MDM4: variants seen among roughly 807,000 people sequenced by gnomAD.
MDM4 encodes protein Mdm4.
Under a neutral mutation model 60.2 loss-of-function variants are expected in MDM4, and 2 were observed. The ratio of observed to expected loss-of-function variants is 0.03; its 90% CI spans 0.01 to 0.10. MDM4 has a LOEUF of 0.10. Ranked by LOEUF, MDM4 falls within the 10% of genes least tolerant of loss-of-function variation. MDM4 has a pLI of 1.00. For missense variants in MDM4, 447 were observed against 577.5 expected (o/e 0.77, Z 2.32); for synonymous variants, 202 against 198.1 (o/e 1.02, Z -0.17).
intron 1 of MDM4, among the ~76,000 whole-genome samples, chr1:204,521,450 T>A (rs1053009373): frequency 7.9e-5 from 12 of 152,120 alleles, no homozygotes; most frequent in Non-Finnish European, 1.8e-4. Context: ...AAGTGCTTTG[T>A]TGTAGTCAGG....
intron 1 of MDM4, among the ~76,000 whole-genome samples, chr1:204,520,364 C>A: frequency 8.6e-6 from 1 of 116,686 alleles, no homozygotes; most frequent in Admixed American, 9.9e-5. Context: ...TTACATGCAA[C>A]ATCCCTGCTT....
At chr1:204,549,086 AT>A in intron 10 of MDM4, 26 bp from the exon 11 acceptor site, 1 of 1,382,448 alleles carries the variant, frequency 7.2e-7, no homozygotes, top group Non-Finnish European at 1.0e-6. Flanking sequence ...CCCCCTGAGT[AT>A]TAATTGGCTT....
chr1:204,536,831 G>T, intron 5 of MDM4: 1 of 217,752 alleles, frequency 4.6e-6, no homozygotes, highest in East Asian at 1.6e-4. Flanking sequence ...TATAGTAACT[G>T]GGAAAAATAA....
intron 7 of MDM4, among the ~76,000 whole-genome samples, chr1:204,538,538 T>C (rs1661650407): frequency 6.6e-6 from 1 of 152,156 alleles, no homozygotes; most frequent in South Asian, 2.1e-4. Flanking sequence ...TGAGCTAGCA[T>C]GCTACTAGAA....
chr1:204,533,611 G>C (rs1187807112), intron 5 of MDM4, among the ~76,000 whole-genome samples: 1 of 152,126 alleles, frequency 6.6e-6, no homozygotes, highest in Non-Finnish European at 1.5e-5. Context: ...ACCCACTTTG[G>C]CCTCCCAGAG....
At chr1:204,529,612 TC>T in intron 3 of MDM4, 1 of 1,172,962 alleles carries the variant, frequency 8.5e-7, no homozygotes, top group Non-Finnish European at 1.2e-6. Flanking sequence ...CTGGGGGGGG[TC>T]CAAGGTAGTA....
rs540392913 is a variant in MDM4, at chr1:204,555,662, C to T, written c.*5980C>T. Reference sequence around the variant, plus strand: ...GGTGGATTGCCTGAGCTCAGGAGTTCGAGACCAGTCTGACCAGTATGGTGA... The same window carrying T: ...GGTGGATTGCCTGAGCTCAGGAGTTTGAGACCAGTCTGACCAGTATGGTGA... On this transcript the variant is annotated 3_prime_UTR_variant, in exon 11 of 11. Transcript: ENST00000367182. The T allele has an allele frequency of 1.2e-4, 20 of 165,702 alleles. No homozygotes were observed. Among genetic ancestry groups the T allele is most frequent in the African/African-American group, 3.3e-4 (14 of 41,882 alleles). The allele number at this position is 165,702 out of a possible 1,614,324, so 10.3% of individuals were successfully genotyped here.
intron 9 of MDM4, 96 bp from the exon 10 acceptor site, chr1:204,546,701 A>G (rs1226464581): frequency 1.3e-6 from 1 of 745,766 alleles, no homozygotes; most frequent in East Asian, 2.7e-5. Context: ...GAAGAATGTG[A>G]GTTTTAAATT....
rs766791006 is a variant in MDM4, at chr1:204,525,478, AT to A, written c.-35-3del. 11 of 1,572,654 alleles carry A rather than the reference AT, an allele frequency of 7.0e-6. No individual in the cohort carries two copies. In the South Asian group the frequency reaches 1.3e-4, roughly 19 times the overall value. ...ATAGATGTTATAAATTTTTTTTTCT[AT>A]TTAGTTTTACCAACAGACTGCAGTT... On this transcript the variant is annotated splice_polypyrimidine_tract_variant and splice_region_variant and intron_variant, in intron 1 of 10. Transcript: ENST00000367182.
At chr1:204,546,478 T>C (rs1284421788) in intron 9 of MDM4, among the ~76,000 whole-genome samples, 1 of 152,174 alleles carries the variant, frequency 6.6e-6, no homozygotes, top group Non-Finnish European at 1.5e-5. Flanking sequence ...GCTGAAATTA[T>C]AGGCACCTGG....
chr1:204,538,630 G>T (rs181805488), intron 7 of MDM4, among the ~76,000 whole-genome samples: 1 of 151,286 alleles, frequency 6.6e-6, no homozygotes, highest in Non-Finnish European at 1.5e-5. Context: ...TTCAATCTTA[G>T]TATTCTTGTA....
At chr1:204,542,366 T>C (rs1247832860) in intron 7 of MDM4, among the ~76,000 whole-genome samples, 1 of 152,232 alleles carries the variant, frequency 6.6e-6, no homozygotes, top group Non-Finnish European at 1.5e-5. Flanking sequence ...GCAATGCTGT[T>C]AATCAAACTA....
chr1:204,518,746 A>G (rs1168894650), intron 1 of MDM4, among the ~76,000 whole-genome samples: 2 of 152,112 alleles, frequency 1.3e-5, no homozygotes, highest in Admixed American at 1.3e-4. Context: ...GCTCACTGCA[A>G]CCTCTGCCTT....
rs182801328 is a variant in MDM4 at position 204,548,610 on chromosome 1, C to T, written c.904-503C>T. On this transcript the variant is annotated intron_variant, in intron 10 of 10. Coordinates refer to ENST00000367182, the MANE Select transcript of MDM4 (RefSeq NM_002393.5). Reference sequence around the variant, plus strand: ...AGGGCATGATTTAGGCATACAGTTACACCTATAATTCTGGGTGCAATGAGA... The same window carrying T: ...AGGGCATGATTTAGGCATACAGTTATACCTATAATTCTGGGTGCAATGAGA... Among the ~76,000 whole-genome samples, 321 of 152,268 alleles carry T rather than the reference C, an allele frequency of 2.1e-3. 1 individual carries two copies. Among genetic ancestry groups the T allele is most frequent in the African/African-American group, 7.2e-3 (301 of 41,544 alleles).
At position 204,525,606 on chromosome 1, in the gene MDM4, T is replaced by C. The variant is rs2102314900; in HGVS notation, c.78+10T>C. Reference sequence around the variant, plus strand: ...TGGACAAATCAATCAGGTAAATCATTTTCGGTATTTCTAGTTTTTTGGTTT... The same window carrying C: ...TGGACAAATCAATCAGGTAAATCATCTTCGGTATTTCTAGTTTTTTGGTTT... On this transcript the variant is annotated intron_variant, in intron 2 of 10. Transcript: ENST00000367182. 1 of 1,536,610 alleles carries C rather than the reference T, an allele frequency of 6.5e-7. No homozygotes were observed. Among genetic ancestry groups the C allele is most frequent in the Non-Finnish European group, 8.9e-7 (1 of 1,129,724 alleles).
rs1434943432 is a variant in MDM4, at chr1:204,551,875, C to G, written c.*2193C>G. The G allele has an allele frequency of 4.9e-6, 1 of 203,274 alleles. No homozygotes were observed. The highest frequency in any genetic ancestry group is 2.3e-5 in the African/African-American group (1 of 43,384). 12.6% of individuals were successfully genotyped at this position (203,274 alleles called of 1,614,324 possible). ...AGAACATACTTTTGGAATCCTTGCC[C>G]TAGACAGGGGTGTCCAATCTTTTGG... On this transcript the variant is annotated 3_prime_UTR_variant, in exon 11 of 11. Transcript: ENST00000367182.
In MDM4 at chr1:204,530,782, A is replaced by G. The variant is rs1660777902; in HGVS notation, c.252A>G (p.Leu84=). 6 of 1,613,856 alleles carry G rather than the reference A, an allele frequency of 3.7e-6. No individual in the cohort carries two copies. Among genetic ancestry groups the G allele is most frequent in the South Asian group, 1.1e-5 (1 of 91,066 alleles). ...GTGGTGGAGATCTTTTGGGAGAACT[A>G]CTGGGACGTCAGAGCTTCTCCGTGA... ...VYCGGDLLGE[L]LGRQSFSVKD... is the part of the protein sequence containing the mutation. The change falls in exon 4 of 11, where the codon CTA becomes CTG. Residue 84 remains leucine, a synonymous_variant. Transcript: ENST00000367182.
intron 8 of MDM4, 36 bp from the exon 9 acceptor site, chr1:204,544,497 CTG>C (rs778670628): frequency 6.3e-7 from 1 of 1,581,212 alleles, no homozygotes; most frequent in South Asian, 1.1e-5. Context: ...TGATAAACCT[CTG>C]AATACAGAAA....
intron 6 of MDM4, 26 bp from the exon 7 acceptor site, chr1:204,538,183 T>C (rs763547550): frequency 1.7e-5 from 23 of 1,321,378 alleles, no homozygotes; most frequent in Admixed American, 3.4e-5. Context: ...TCTACTGCAC[T>C]GATGGACACC....
Sources: gnomAD v4.1 joint callset for allele counts (sites outside exome capture counted in the v4.1 genomes callset) on GRCh38, gnomAD v4.1.1 for gene constraint, MANE v1.5 for transcripts, NCBI Gene and HGNC (gene_info 2026-07-23, HGNC 2026-07-21) for gene names.